Variants in GLRX5 observed in about 807,000 individuals in gnomAD.
GLRX5 encodes the protein glutaredoxin 5.
GLRX5 carries 10 observed loss-of-function variants against 13.8 expected under a neutral mutation model. That is an observed-to-expected ratio of 0.72 (90% CI 0.45 to 1.23). GLRX5 has a LOEUF of 1.23. GLRX5 is among the 50% of genes most tolerant of loss of function. The pLI, the probability that GLRX5 is intolerant of heterozygous loss-of-function variation, is 0.00. For synonymous variants in GLRX5, 98 were observed against 101.1 expected (o/e 0.97, Z 0.18); for missense variants, 233 against 215.2 (o/e 1.08, Z -0.52).
At chr14:95,542,924 T>C (rs1449568013) in intron 1 of GLRX5, 1 of 413,580 alleles carries the variant, frequency 2.4e-6, no homozygotes, top group Admixed American at 2.5e-5. Context: ...GAGTAATCTT[T>C]TATGTCTTAA....
chr14:95,536,322 G>A (rs571108874), intron 1 of GLRX5, among the ~76,000 whole-genome samples: 1 of 152,236 alleles, frequency 6.6e-6, no homozygotes, highest in Non-Finnish European at 1.5e-5. Context: ...GTCAGGGTTG[G>A]TGGAAAACTG....
In GLRX5 at chr14:95,544,181, G is replaced by A. The variant is rs1891520452; in HGVS notation, c.*56G>A. 1 of 1,480,642 alleles carries A rather than the reference G, an allele frequency of 6.8e-7. No homozygotes were observed. Among genetic ancestry groups the A allele is most frequent in the Non-Finnish European group, 9.4e-7 (1 of 1,069,014 alleles). 91.7% of individuals were successfully genotyped at this position (1,480,642 alleles called of 1,614,324 possible). Reference sequence around the variant, plus strand: ...GAGCCGTTCATGTCAGAGACTCACTGCCAGAAAAGCCTTACCCATTTTGGT... The same window carrying A: ...GAGCCGTTCATGTCAGAGACTCACTACCAGAAAAGCCTTACCCATTTTGGT... On this transcript the variant is annotated 3_prime_UTR_variant, in exon 2 of 2. Coordinates refer to ENST00000331334, the MANE Select transcript of GLRX5 (RefSeq NM_016417.3).
intron 1 of GLRX5, among the ~76,000 whole-genome samples, chr14:95,540,374 T>C (rs533113948): frequency 4.5e-4 from 68 of 152,342 alleles, no homozygotes; most frequent in South Asian, 2.3e-3. Flanking sequence ...TTCATTTCAT[T>C]CCTTAGATAT....
intron 1 of GLRX5, chr14:95,543,738 G>T: frequency 1.7e-6 from 1 of 584,908 alleles, no homozygotes. Flanking sequence ...AGGGCTGACG[G>T]TTTGTAATTG....
At chr14:95,543,266 C>T (rs939784644) in intron 1 of GLRX5, 16 of 447,764 alleles carry the variant, frequency 3.6e-5, no homozygotes, top group African/African-American at 3.0e-4. Context: ...ATCACAGTGG[C>T]TGGATAGATG....
intron 1 of GLRX5, among the ~76,000 whole-genome samples, chr14:95,542,412 A>T (rs1358460348): frequency 6.6e-6 from 1 of 152,188 alleles, no homozygotes; most frequent in Non-Finnish European, 1.5e-5. Flanking sequence ...CTTTCTTAAT[A>T]TGTGAAGTCT....
chr14:95,544,179 C>T lies in GLRX5; in HGVS notation c.*54C>T. 6.6e-7 allele frequency: 1 copy of T among 1,506,654 alleles called. No individual in the cohort carries two copies. 93.3% of individuals were successfully genotyped at this position (1,506,654 alleles called of 1,614,324 possible). A position where few individuals can be genotyped will look rare whatever the true frequency, so the allele number is the denominator to read the frequency against. ...GGGAGCCGTTCATGTCAGAGACTCA[C>T]TGCCAGAAAAGCCTTACCCATTTTG... On this transcript the variant is annotated 3_prime_UTR_variant, in exon 2 of 2. Coordinates refer to ENST00000331334, the MANE Select transcript of GLRX5 (RefSeq NM_016417.3).
At position 95,544,251 on chromosome 14, in the gene GLRX5, C is replaced by T. The variant is rs867180214; in HGVS notation, c.*126C>T. ...ACTGCTTGCACTGATCATTTTGGTTCGTGAGCAGTTGGTGATTTTAGTTGG... is the reference window on the plus strand; with the variant it reads ...ACTGCTTGCACTGATCATTTTGGTTTGTGAGCAGTTGGTGATTTTAGTTGG... On this transcript the variant is annotated 3_prime_UTR_variant, in exon 2 of 2. Transcript: ENST00000331334. The T allele has an allele frequency of 5.2e-6, 4 of 762,044 alleles. No homozygotes were observed. The highest frequency in any genetic ancestry group is 2.1e-5 in the Admixed American group (1 of 47,428). 47.2% of individuals were successfully genotyped at this position (762,044 alleles called of 1,614,324 possible).
At chr14:95,540,684 TCA>T (rs1367393474) in intron 1 of GLRX5, among the ~76,000 whole-genome samples, 11 of 152,192 alleles carry the variant, frequency 7.2e-5, no homozygotes, top group African/African-American at 2.4e-4. Flanking sequence ...TTGCCCAAGA[TCA>T]CAGAGTCTAG....
At chr14:95,543,436 G>A (rs997077979) in intron 1 of GLRX5, 2 of 316,416 alleles carry the variant, frequency 6.3e-6, no homozygotes, top group South Asian at 2.6e-5. Context: ...AAGTGCACAG[G>A]TGGGATTGCC....
At position 95,543,819 on chromosome 14, in the gene GLRX5, C is replaced by A. The variant is rs891396126; in HGVS notation, c.296-128C>A. 6.3e-6 allele frequency: 5 copies of A among 798,010 alleles called. No homozygotes were observed. The Admixed American group carries it at 7.6e-5, about 12-fold the overall frequency. The allele number at this position is 798,010 out of a possible 1,614,324, so 49.4% of individuals were successfully genotyped here. On this transcript the variant is annotated intron_variant, in intron 1 of 1. Coordinates refer to ENST00000331334, the MANE Select transcript of GLRX5 (RefSeq NM_016417.3). ...TGCTCTTAGTGGCAAGCACAGTGTT[C>A]TCAAGATTGGGGGAAGCCAGGGAGG...
intron 1 of GLRX5, among the ~76,000 whole-genome samples, chr14:95,538,637 A>C (rs1383406882): frequency 6.6e-6 from 1 of 152,190 alleles, no homozygotes; most frequent in Non-Finnish European, 1.5e-5. Context: ...AACAGAGCCT[A>C]AGACCCAGCT....
chr14:95,543,029 G>C (rs1475215740), intron 1 of GLRX5: 1 of 456,118 alleles, frequency 2.2e-6, no homozygotes, highest in Non-Finnish European at 4.4e-6. Context: ...CGCTGTCACA[G>C]AGTGTCCCTC....
chr14:95,543,152 C>T, intron 1 of GLRX5: 1 of 455,926 alleles, frequency 2.2e-6, no homozygotes, highest in South Asian at 1.5e-5. Flanking sequence ...CTCCCCCACC[C>T]CTCAGCCCTG....
At chr14:95,539,857 C>G (rs551386675) in intron 1 of GLRX5, among the ~76,000 whole-genome samples, 6 of 151,538 alleles carry the variant, frequency 4.0e-5, no homozygotes, top group African/African-American at 1.2e-4. Flanking sequence ...GAGTATGAAA[C>G]TCAGTAATCC....
intron 1 of GLRX5, chr14:95,543,063 A>C (rs1166786505): frequency 2.2e-6 from 1 of 455,932 alleles, no homozygotes; most frequent in Non-Finnish European, 4.4e-6. Context: ...CCTCAGAGCC[A>C]TTTGCACACA....
chr14:95,535,667 A>G (rs1358927009), intron 1 of GLRX5, among the ~76,000 whole-genome samples: 1 of 152,176 alleles, frequency 6.6e-6, no homozygotes, highest in Non-Finnish European at 1.5e-5. Context: ...ACTTCGAGCT[A>G]ATATAGGCGT....
At chr14:95,542,362 G>A (rs114772599) in intron 1 of GLRX5, among the ~76,000 whole-genome samples, 130 of 152,336 alleles carry the variant, frequency 8.5e-4, no homozygotes, top group African/African-American at 3.0e-3. Flanking sequence ...ACCCAGAGTG[G>A]CTGAGAGGTG....
At chr14:95,541,615 G>A (rs998080273) in intron 1 of GLRX5, among the ~76,000 whole-genome samples, 1 of 152,194 alleles carries the variant, frequency 6.6e-6, no homozygotes, top group Non-Finnish European at 1.5e-5. Flanking sequence ...ATGTCTGAAA[G>A]CCTGCTTGTT....
Sources: gnomAD v4.1 joint callset for allele counts (sites outside exome capture counted in the v4.1 genomes callset) on GRCh38, gnomAD v4.1.1 for gene constraint, MANE v1.5 for transcripts, NCBI Gene and HGNC (gene_info 2026-07-23, HGNC 2026-07-21) for gene names.